Variants in OPCML observed in about 807,000 individuals in gnomAD.
OPCML encodes opioid binding protein/cell adhesion molecule like.
A neutral mutation model predicts 37.8 loss-of-function variants in OPCML; 13 were observed. That is an observed-to-expected ratio of 0.34 (90% CI 0.22 to 0.55). OPCML has a LOEUF of 0.55. Among genes scored for constraint, OPCML ranks in the 20% least tolerant of loss-of-function variants. The pLI, the probability that OPCML is intolerant of heterozygous loss-of-function variation, is 0.91. For synonymous variants in OPCML, 176 were observed against 168.8 expected, an observed-to-expected ratio of 1.04 and a Z score of -0.33; for missense variants, 341 against 435.6, an observed-to-expected ratio of 0.78 and a Z score of 1.93.
chr11:133,284,450 A>T (rs1446442045), intron 1 of OPCML, among the ~76,000 whole-genome samples: 1 of 152,346 alleles, frequency 6.6e-6, no homozygotes, highest in Admixed American at 6.5e-5. Flanking sequence ...CAGCACATAC[A>T]AAACAATCAA....
chr11:133,275,348 C>A (rs1893130), intron 1 of OPCML, among the ~76,000 whole-genome samples: 50,024 of 151,976 alleles, frequency 0.33, 9,044 homozygotes, highest in East Asian at 0.69. Context: ...TGCCAAGTAA[C>A]AGTGTCTACT....
At chr11:132,698,162 GAA>G (rs1405754633) in intron 2 of OPCML, among the ~76,000 whole-genome samples, 1 of 151,974 alleles carries the variant, frequency 6.6e-6, no homozygotes, top group African/African-American at 2.4e-5. Flanking sequence ...CATATACCCA[GAA>G]GTAAGATTGC....
chr11:133,507,029 C>T (rs1948047850), intron 1 of OPCML, among the ~76,000 whole-genome samples: 1 of 152,248 alleles, frequency 6.6e-6, no homozygotes, highest in Non-Finnish European at 1.5e-5. Flanking sequence ...CTTTCCCCCA[C>T]TTCCCATTTT....
intron 1 of OPCML, among the ~76,000 whole-genome samples, chr11:133,252,300 T>C (rs1304617126): frequency 6.6e-6 from 1 of 152,206 alleles, no homozygotes; most frequent in African/African-American, 2.4e-5. Flanking sequence ...ATATTTAACA[T>C]TAACGTTTCA....
At chr11:133,185,191 C>T (rs1350013627) in intron 1 of OPCML, among the ~76,000 whole-genome samples, 2 of 152,180 alleles carry the variant, frequency 1.3e-5, no homozygotes, top group Non-Finnish European at 2.9e-5. Flanking sequence ...CCCTAAAATA[C>T]CTTAAGAAAG....
chr11:133,258,069 C>T (rs1941375500), intron 1 of OPCML, among the ~76,000 whole-genome samples: 2 of 152,162 alleles, frequency 1.3e-5, no homozygotes, highest in South Asian at 2.1e-4. Context: ...CATAGCCCTT[C>T]TCTTCTCTTG....
chr11:133,461,605 A>G (rs1946860561), intron 1 of OPCML, among the ~76,000 whole-genome samples: 1 of 151,932 alleles, frequency 6.6e-6, no homozygotes, highest in Non-Finnish European at 1.5e-5. Flanking sequence ...AAACTTATAC[A>G]GTGAAAACTA....
At chr11:133,013,367 A>G (rs1339054135) in intron 1 of OPCML, among the ~76,000 whole-genome samples, 3 of 152,224 alleles carry the variant, frequency 2.0e-5, no homozygotes, top group Non-Finnish European at 4.4e-5. Context: ...TATCCAATTT[A>G]TGCCAGTCCT....
chr11:133,405,086 C>T (rs1279039504), intron 1 of OPCML, among the ~76,000 whole-genome samples: 1 of 152,170 alleles, frequency 6.6e-6, no homozygotes, highest in Non-Finnish European at 1.5e-5. Flanking sequence ...ATACATAGGA[C>T]ACTCAGTAAA....
At chr11:133,094,812 T>G (rs1948972016) in intron 1 of OPCML, among the ~76,000 whole-genome samples, 1 of 152,124 alleles carries the variant, frequency 6.6e-6, no homozygotes. Flanking sequence ...AACTGAGTCT[T>G]GAAGTATGTA....
chr11:132,914,530 C>T (rs1224813479), intron 2 of OPCML, among the ~76,000 whole-genome samples: 1 of 152,174 alleles, frequency 6.6e-6, no homozygotes, highest in African/African-American at 2.4e-5. Context: ...TGTCTTTATC[C>T]CTTTGTCCTT....
At chr11:132,569,893 T>C (rs1396686800) in intron 3 of OPCML, among the ~76,000 whole-genome samples, 2 of 149,192 alleles carry the variant, frequency 1.3e-5, no homozygotes, top group African/African-American at 4.9e-5. Context: ...TCTTAAATCA[T>C]AAAAGAAATG....
chr11:132,626,178 A>G (rs1939727468), intron 3 of OPCML, among the ~76,000 whole-genome samples: 1 of 151,168 alleles, frequency 6.6e-6, no homozygotes, highest in African/African-American at 2.4e-5. Flanking sequence ...TGGGGCTTAG[A>G]GGAGGAAATG....
intron 1 of OPCML, among the ~76,000 whole-genome samples, chr11:133,320,990 G>C (rs1000161717): frequency 1.3e-5 from 2 of 152,228 alleles, no homozygotes; most frequent in Admixed American, 6.5e-5. Context: ...CAATAAACAG[G>C]AGACAGCTGG....
At chr11:133,327,484 G>GA (rs1470117783) in intron 1 of OPCML, among the ~76,000 whole-genome samples, 1 of 151,842 alleles carries the variant, frequency 6.6e-6, no homozygotes, top group Non-Finnish European at 1.5e-5. Context: ...GGAGGTAACA[G>GA]AAAAAAATCG....
intron 3 of OPCML, among the ~76,000 whole-genome samples, chr11:132,554,992 C>A (rs1299155314): frequency 7.0e-6 from 1 of 142,360 alleles, no homozygotes; most frequent in Non-Finnish European, 1.5e-5. Flanking sequence ...CCTAAAAAGT[C>A]CTTAGGATGC....
chr11:132,575,698 T>C (rs952424433), intron 3 of OPCML, among the ~76,000 whole-genome samples: 1 of 152,078 alleles, frequency 6.6e-6, no homozygotes, highest in Non-Finnish European at 1.5e-5. Context: ...ATTCTGTATG[T>C]TTACATACTT....
chr11:132,810,292 G>A (rs1021824897), intron 2 of OPCML, among the ~76,000 whole-genome samples: 6 of 152,222 alleles, frequency 3.9e-5, no homozygotes, highest in African/African-American at 7.2e-5. Flanking sequence ...CATCCTTTCT[G>A]TTAGATGTTC....
chr11:132,802,569 T>C (rs1321238338), intron 2 of OPCML, among the ~76,000 whole-genome samples: 1 of 152,198 alleles, frequency 6.6e-6, no homozygotes, highest in African/African-American at 2.4e-5. Flanking sequence ...AGAGAGGTTT[T>C]TCTGAACTAC....
Sources: gnomAD v4.1 joint callset for allele counts (sites outside exome capture counted in the v4.1 genomes callset) on GRCh38, gnomAD v4.1.1 for gene constraint, MANE v1.5 for transcripts, NCBI Gene and HGNC (gene_info 2026-07-23, HGNC 2026-07-21) for gene names.